The following RNF152 variants were observed in gnomAD, a reference collection of about 807,000 sequenced individuals.
The protein encoded by RNF152 is ring finger protein 152.
In RNF152, 11 loss-of-function variants were observed where a neutral mutation model predicts 12.7. The ratio of observed to expected loss-of-function variants is 0.86; its 90% CI spans 0.54 to 1.43. RNF152 has a LOEUF of 1.43. Among genes scored for constraint, RNF152 ranks in the 40% most tolerant of loss-of-function variants. The pLI is 0.00. For synonymous variants in RNF152, 113 were observed against 120.3 expected, an observed-to-expected ratio of 0.94 and a Z score of 0.40; for missense variants, 255 against 274.8, an observed-to-expected ratio of 0.93 and a Z score of 0.51.
chr18:61,870,125 A>G (rs562121253), intron 1 of RNF152, among the ~76,000 whole-genome samples: 1 of 152,210 alleles, frequency 6.6e-6, no homozygotes, highest in Non-Finnish European at 1.5e-5. Context: ...AAAACATGGA[A>G]ATATTACGTT....
At chr18:61,875,895 C>G (rs1912193328) in intron 1 of RNF152, among the ~76,000 whole-genome samples, 2 of 152,082 alleles carry the variant, frequency 1.3e-5, no homozygotes, top group South Asian at 4.2e-4. Context: ...CTGCCCCAAT[C>G]CATATTGATG....
chr18:61,879,589 G>C (rs760630189), intron 1 of RNF152, among the ~76,000 whole-genome samples: 2 of 152,166 alleles, frequency 1.3e-5, no homozygotes, highest in Non-Finnish European at 2.9e-5. Flanking sequence ...AAAGGAATGG[G>C]AATACAAAAG....
chr18:61,834,161 A>T (rs1243480373), intron 1 of RNF152, among the ~76,000 whole-genome samples: 1 of 152,190 alleles, frequency 6.6e-6, no homozygotes, highest in African/African-American at 2.4e-5. Context: ...TCACTTGCAC[A>T]TCTCTAAAAG....
At chr18:61,869,088 C>A (rs1911869223) in intron 1 of RNF152, among the ~76,000 whole-genome samples, 1 of 152,136 alleles carries the variant, frequency 6.6e-6, no homozygotes. Flanking sequence ...CAGAGGTAAT[C>A]TCGATTGTTA....
At chr18:61,849,613 A>C (rs1226069815) in intron 1 of RNF152, among the ~76,000 whole-genome samples, 1 of 152,218 alleles carries the variant, frequency 6.6e-6, no homozygotes, top group Non-Finnish European at 1.5e-5. Context: ...AAGTTCTTAA[A>C]ACTATGGTTT....
intron 1 of RNF152, among the ~76,000 whole-genome samples, chr18:61,859,441 G>A (rs1911365223): frequency 6.6e-6 from 1 of 152,214 alleles, no homozygotes. Context: ...GGGTTCCGGA[G>A]AGTCAGGGAG....
At chr18:61,863,892 G>C (rs1463401964) in intron 1 of RNF152, among the ~76,000 whole-genome samples, 2 of 152,228 alleles carry the variant, frequency 1.3e-5, no homozygotes, top group Admixed American at 1.3e-4. Flanking sequence ...GAACAGCACT[G>C]ATGATAAGGA....
In RNF152 at chr18:61,816,328, G is replaced by A. The variant is rs1411673132; in HGVS notation, c.136C>T (p.Gln46Ter). The part of the protein sequence containing the change: ...SVCLQQMRTS[Q>*]KDVRCPWCRG... ...CACCAGGGGCACCGCACATCCTTCT[G>A]GCTGGTCCTCATCTGCTGCAGGCAC... Residue 46 changes from glutamine (Q) to a stop codon, truncating the protein, a stop_gained, in exon 2 of 2, where the codon CAG becomes TAG. Coordinates refer to ENST00000312828, the MANE Select transcript of RNF152 (RefSeq NM_173557.3). LOFTEE classifies it high-confidence loss of function. 1.2e-6 allele frequency: 2 copies of A among 1,614,130 alleles called. No homozygotes were observed. Among genetic ancestry groups the A allele is most frequent in the Admixed American group, 1.7e-5 (1 of 60,008 alleles).
Position 61,808,387 on chromosome 18 carries a change from T to TAAAAAAAAAAAAA in RNF152, c.*7452_*7464dup, listed in dbSNP as rs34966668. 3.5e-4 allele frequency: 18 copies of TAAAAAAAAAAAAA among 50,790 alleles called. No individual in the cohort carries two copies. Among genetic ancestry groups the TAAAAAAAAAAAAA allele is most frequent in the African/African-American group, 7.8e-4 (11 of 14,110 alleles). The allele number at this position is 50,790 out of a possible 1,614,324, so 3.1% of individuals were successfully genotyped here. ...TTTATCTGTAGGGCTATTTGGCCCT[T>TAAAAAAAAAAAAA]AAAAAAAAAAAAAAAAAAAAAAAAA... On this transcript the variant is annotated 3_prime_UTR_variant, in exon 2 of 2. Coordinates refer to ENST00000312828, the MANE Select transcript of RNF152 (RefSeq NM_173557.3).
At chr18:61,860,822 G>A (rs530571955) in intron 1 of RNF152, among the ~76,000 whole-genome samples, 2 of 152,278 alleles carry the variant, frequency 1.3e-5, no homozygotes, top group South Asian at 4.1e-4. Flanking sequence ...ATGTGGAGGT[G>A]GAAGGCAGTA....
At position 61,872,931 on chromosome 18, in the gene RNF152, T is replaced by G. The variant is rs146244727; in HGVS notation, c.-136+19864A>C. Among the ~76,000 whole-genome samples the G allele has an allele frequency of 8.0e-3, 1,215 of 152,294 alleles. 20 individuals carry two copies. Among genetic ancestry groups the G allele is most frequent in the African/African-American group, 0.028 (1,170 of 41,566 alleles). On this transcript the variant is annotated intron_variant, in intron 1 of 1. Coordinates refer to ENST00000312828, the MANE Select transcript of RNF152 (RefSeq NM_173557.3). Reference sequence around the variant, plus strand: ...TAATTACTCTAAAGATGTTTATTATTAGTTTATTTTGTTTCTGATAATAGC... The same window carrying G: ...TAATTACTCTAAAGATGTTTATTATGAGTTTATTTTGTTTCTGATAATAGC...
chr18:61,824,599 A>T (rs1909574471), intron 1 of RNF152, among the ~76,000 whole-genome samples: 1 of 152,236 alleles, frequency 6.6e-6, no homozygotes, highest in South Asian at 2.1e-4. Context: ...AAATGCTACA[A>T]CTTCAATTTT....
intron 1 of RNF152, among the ~76,000 whole-genome samples, chr18:61,828,910 G>A (rs1426025312): frequency 2.0e-5 from 3 of 152,116 alleles, no homozygotes; most frequent in Non-Finnish European, 1.5e-5. Flanking sequence ...ACTTCACGCG[G>A]GAGTATCAGG....
chr18:61,891,906 A>T (rs1912975967), intron 1 of RNF152, among the ~76,000 whole-genome samples: 1 of 152,236 alleles, frequency 6.6e-6, no homozygotes, highest in Non-Finnish European at 1.5e-5. Flanking sequence ...TCCTACAAGA[A>T]AAATCGAAAG....
At chr18:61,824,193 G>A (rs572284351) in intron 1 of RNF152, among the ~76,000 whole-genome samples, 1 of 152,288 alleles carries the variant, frequency 6.6e-6, no homozygotes, top group Non-Finnish European at 1.5e-5. Flanking sequence ...TTACTATTAG[G>A]AATCAGGAGA....
At chr18:61,844,077 G>GAAAGAAA in intron 1 of RNF152, among the ~76,000 whole-genome samples, 1 of 68,500 alleles carries the variant, frequency 1.5e-5, no homozygotes, top group African/African-American at 5.0e-5. Flanking sequence ...CAGAAAGAAA[G>GAAAGAAA]GAAAGAAAGA....
chr18:61,855,203 G>T (rs984698612), intron 1 of RNF152, among the ~76,000 whole-genome samples: 1 of 152,222 alleles, frequency 6.6e-6, no homozygotes, highest in African/African-American at 2.4e-5. Flanking sequence ...ATTCAGAAAA[G>T]TAAAACAATG....
chr18:61,878,884 G>A (rs1912330868), intron 1 of RNF152, among the ~76,000 whole-genome samples: 1 of 152,182 alleles, frequency 6.6e-6, no homozygotes, highest in Non-Finnish European at 1.5e-5. Flanking sequence ...GAATTTTGGA[G>A]GGACACATAC....
At chr18:61,842,955 G>A (rs1382808911) in intron 1 of RNF152, among the ~76,000 whole-genome samples, 3 of 152,194 alleles carry the variant, frequency 2.0e-5, no homozygotes, top group Non-Finnish European at 2.9e-5. Flanking sequence ...AGATTTGGGT[G>A]GGGACACAGA....
Sources: gnomAD v4.1 joint callset for allele counts (sites outside exome capture counted in the v4.1 genomes callset) on GRCh38, gnomAD v4.1.1 for gene constraint, MANE v1.5 for transcripts, NCBI Gene and HGNC (gene_info 2026-07-23, HGNC 2026-07-21) for gene names.